The following ZC4H2 variants were observed in gnomAD, a reference collection of about 807,000 sequenced individuals.
ZC4H2 encodes zinc finger C4H2 domain-containing protein.
For synonymous variants in ZC4H2, 84 were observed against 66.3 expected (o/e 1.27, Z -1.30); for missense variants, 137 against 173.9 (o/e 0.79, Z 1.19).
At chrX:64,924,889 T>C (rs1245475424) in intron 1 of ZC4H2, among the ~76,000 whole-genome samples, 3 of 111,124 alleles carry the variant, frequency 2.7e-5, no homozygotes, top group Non-Finnish European at 5.7e-5. Flanking sequence ...GTTGGGACTT[T>C]TATCCTCAGT....
At chrX:64,996,929 T>G (rs771747521) in intron 1 of ZC4H2, among the ~76,000 whole-genome samples, 2 of 112,133 alleles carry the variant, frequency 1.8e-5, no homozygotes, top group Admixed American at 1.9e-4. Context: ...AGAAACAATA[T>G]TTCAAGAAAT....
At chrX:64,986,921 CT>C (rs1028871395) in intron 1 of ZC4H2, among the ~76,000 whole-genome samples, 1,260 of 79,534 alleles carry the variant, frequency 0.016, 15 homozygotes, top group South Asian at 0.058. Context: ...CAAGATAATT[CT>C]TTTTTTTTTT....
At chrX:64,955,642 CCAAGATCAAAGAT>C (rs1931125559) in intron 1 of ZC4H2, among the ~76,000 whole-genome samples, 1 of 111,676 alleles carries the variant, frequency 9.0e-6, no homozygotes, top group Admixed American at 9.5e-5. Context: ...ATAGCTTTTC[CCAAGATCAAAGAT>C]CAAGACTTCT....
chrX:64,941,133 G>C (rs950848083), intron 1 of ZC4H2, among the ~76,000 whole-genome samples: 1 of 111,263 alleles, frequency 9.0e-6, no homozygotes, highest in African/African-American at 3.3e-5. Flanking sequence ...TGTATTCCTA[G>C]GTATTTTATT....
rs1455293063 is a variant in ZC4H2, at chrX:65,021,675, C to T, written c.-272+12954G>A. ...GCAGAAGACAAGAAATAACTAAGAT[C>T]AGAGCAGAACTGAAGGAGACAGAGA... On this transcript the variant is annotated intron_variant, in intron 1 of 4. Transcript: ENST00000337990. Among the ~76,000 whole-genome samples the T allele has an allele frequency of 4.5e-5, 5 of 110,938 alleles. 1 individual carries two copies. Among genetic ancestry groups the T allele is most frequent in the African/African-American group, 1.7e-4 (5 of 29,941 alleles).
intron 1 of ZC4H2, among the ~76,000 whole-genome samples, chrX:64,933,237 T>C (rs757325502): frequency 6.3e-5 from 7 of 111,700 alleles, no homozygotes; most frequent in Admixed American, 5.7e-4. Context: ...ATGATATCTA[T>C]TCCTCTGAAA....
intron 1 of ZC4H2, among the ~76,000 whole-genome samples, chrX:64,992,069 C>T (rs61003907): frequency 9.0e-6 from 1 of 111,036 alleles, no homozygotes; most frequent in Non-Finnish European, 1.9e-5. Context: ...TGAAAATGTT[C>T]AAGAATTAGA....
intron 1 of ZC4H2, 52 bp downstream of exon 1, chrX:64,976,273 C>A: frequency 1.7e-6 from 2 of 1,172,664 alleles, no homozygotes; most frequent in Non-Finnish European, 2.3e-6. Flanking sequence ...TTAGCCCTCT[C>A]CCGCAACGAA....
At chrX:65,025,392 A>C (rs1004084098) in intron 1 of ZC4H2, among the ~76,000 whole-genome samples, 1 of 110,272 alleles carries the variant, frequency 9.1e-6, no homozygotes, top group African/African-American at 3.3e-5. Context: ...TGCTGCTACT[A>C]TTGGCACTTA....
At chrX:64,968,426 T>A (rs141056407) in intron 1 of ZC4H2, among the ~76,000 whole-genome samples, 2 of 111,193 alleles carry the variant, frequency 1.8e-5, no homozygotes, top group African/African-American at 6.5e-5. Context: ...CCTGGCTCAG[T>A]CATCAATTTT....
intron 1 of ZC4H2, among the ~76,000 whole-genome samples, chrX:64,967,180 A>C (rs1317607551): frequency 9.0e-6 from 1 of 111,622 alleles, no homozygotes; most frequent in South Asian, 3.8e-4. Context: ...TAAATAAATA[A>C]TTTGTTGCAT....
chrX:64,969,545 T>C (rs1356928547), intron 1 of ZC4H2, among the ~76,000 whole-genome samples: 2 of 112,113 alleles, frequency 1.8e-5, no homozygotes, highest in Non-Finnish European at 3.8e-5. Context: ...GATTATATTG[T>C]ATAGGTATAA....
intron 1 of ZC4H2, among the ~76,000 whole-genome samples, chrX:64,931,039 T>C (rs778239277): frequency 3.6e-5 from 4 of 112,146 alleles, no homozygotes; most frequent in South Asian, 3.7e-4. Context: ...ATCTTGCTTT[T>C]TGTTATTGGT....
chrX:64,946,814 C>T (rs929732750), intron 1 of ZC4H2, among the ~76,000 whole-genome samples: 4 of 111,344 alleles, frequency 3.6e-5, no homozygotes, highest in Admixed American at 2.9e-4. Flanking sequence ...TCATTCATTT[C>T]TTTGTTGTTT....
chrX:64,952,052 T>C (rs780594869), intron 1 of ZC4H2, among the ~76,000 whole-genome samples: 12 of 111,060 alleles, frequency 1.1e-4, no homozygotes, highest in East Asian at 5.6e-4. Flanking sequence ...ATTTATTAAA[T>C]AGGGAATCCT....
intron 1 of ZC4H2, among the ~76,000 whole-genome samples, chrX:64,999,602 C>G (rs979378793): frequency 8.9e-6 from 1 of 111,983 alleles, no homozygotes; most frequent in Non-Finnish European, 1.9e-5. Context: ...ACCATTCATT[C>G]CCCTGGAAAG....
chrX:65,032,279 G>A (rs1206687447), intron 1 of ZC4H2, among the ~76,000 whole-genome samples: 2 of 112,453 alleles, frequency 1.8e-5, no homozygotes, highest in Non-Finnish European at 3.8e-5. Context: ...GTGATAGAAT[G>A]TGATTAGTTC....
chrX:65,020,718 A>G (rs1352874564), intron 1 of ZC4H2, among the ~76,000 whole-genome samples: 1 of 112,043 alleles, frequency 8.9e-6, no homozygotes, highest in Non-Finnish European at 1.9e-5. Context: ...TAAATGCCCA[A>G]TTAAAACACA....
intron 1 of ZC4H2, among the ~76,000 whole-genome samples, chrX:65,017,663 TTTCACTAGGGTTGTAAC>T (rs886281928): frequency 2.7e-5 from 3 of 111,999 alleles, no homozygotes; most frequent in African/African-American, 9.7e-5. Flanking sequence ...CTTGGCTATA[TTTCACTAGGGTTGTAAC>T]TCCTCCAGCA....
Sources: allele counts gnomAD v4.1 joint callset (sites outside exome capture counted in the v4.1 genomes callset), GRCh38; gene constraint gnomAD v4.1.1; transcripts MANE v1.5; gene names NCBI Gene and HGNC (gene_info 2026-07-23, HGNC 2026-07-21).